NUB1: variants seen among roughly 807,000 people sequenced by gnomAD.
NUB1 encodes negative regulator of ubiquitin like proteins 1.
In NUB1, 41 loss-of-function variants were observed where a neutral mutation model predicts 77.1. The ratio of observed to expected loss-of-function variants is 0.53; its 90% confidence interval spans 0.41 to 0.69. The LOEUF (loss-of-function observed/expected upper bound fraction) is 0.69. Among genes scored for constraint, NUB1 ranks in the 30% least tolerant of loss-of-function variants. The pLI is 0.00. For synonymous variants in NUB1, 257 were observed against 281.0 expected (o/e 0.91, Z 0.85); for missense variants, 643 against 743.8 (o/e 0.86, Z 1.58).
intron 1 of NUB1, among the ~76,000 whole-genome samples, chr7:151,344,966 C>G (rs1796429201): frequency 6.6e-6 from 1 of 152,164 alleles, no homozygotes; most frequent in Non-Finnish European, 1.5e-5. Flanking sequence ...CACCACTGCA[C>G]TCCAGCCTGG....
intron 7 of NUB1, among the ~76,000 whole-genome samples, chr7:151,359,883 C>T (rs962161098): frequency 4.6e-5 from 7 of 152,196 alleles, no homozygotes; most frequent in East Asian, 3.9e-4. Flanking sequence ...TCAGTGGATA[C>T]GAAAATAAAC....
chr7:151,367,026 G>A lies in NUB1; in HGVS notation c.888G>A (p.Gln296=). 1.9e-6 allele frequency: 3 copies of A among 1,613,928 alleles called. No homozygotes were observed. Among genetic ancestry groups the A allele is most frequent in the Non-Finnish European group, 2.5e-6 (3 of 1,179,826 alleles). ...TGTGGTGTTACTTCCGCCTGGAACAGCTGGAATGCCTTGATGATGCAGAAA... is the reference window on the plus strand; with the variant it reads ...TGTGGTGTTACTTCCGCCTGGAACAACTGGAATGCCTTGATGATGCAGAAA... The part of the protein sequence containing the change: ...DIVWCYFRLE[Q]LECLDDAEKK... The change falls in exon 9 of 15, where the codon CAG becomes CAA. Residue 296 remains glutamine (Q), a synonymous_variant. Transcript: ENST00000568733.
At position 151,377,226 on chromosome 7, in the gene NUB1, A is replaced by AATT; in HGVS notation, c.*1_*2insATT. On this transcript the variant is annotated 3_prime_UTR_variant, in exon 15 of 15. Transcript: ENST00000568733. The stretch of plus-strand genomic sequence containing the variant: ...GAAGTCAGCAACAAAGAAAAACTAA[A>AATT]TAATGAACAGAAATAGCGCTAATTT... The AATT allele has an allele frequency of 6.6e-7, 1 of 1,526,442 alleles. No individual in the cohort carries two copies. The highest frequency in any genetic ancestry group is 8.8e-7 in the Non-Finnish European group (1 of 1,131,654). The allele number at this position is 1,526,442 out of a possible 1,614,324, so 94.6% of individuals were successfully genotyped here. A position where few individuals can be genotyped will look rare whatever the true frequency, so the allele number is the denominator to read the frequency against.
intron 1 of NUB1, among the ~76,000 whole-genome samples, chr7:151,343,708 A>G (rs1011736121): frequency 2.0e-5 from 3 of 152,130 alleles, no homozygotes; most frequent in African/African-American, 2.4e-5. Context: ...GGGAGAGAGA[A>G]GTTACATACC....
At chr7:151,355,699 T>C (rs1378828665) in intron 5 of NUB1, 69 bp from the exon 6 acceptor site, 2 of 1,401,612 alleles carry the variant, frequency 1.4e-6, no homozygotes, top group Non-Finnish European at 1.9e-6. Context: ...CCATTTAACA[T>C]AGAAAATGGA....
chr7:151,369,649 A>G (rs542198573), intron 11 of NUB1, among the ~76,000 whole-genome samples: 2 of 152,334 alleles, frequency 1.3e-5, no homozygotes, highest in Admixed American at 1.3e-4. Flanking sequence ...TATGTTCTGC[A>G]GTGAAAGAAC....
At chr7:151,345,275 T>C in intron 1 of NUB1, 73 bp from the exon 2 acceptor site, 1 of 948,658 alleles carries the variant, frequency 1.1e-6, no homozygotes, top group South Asian at 1.5e-5. Flanking sequence ...ACAAAGCACC[T>C]TAACATGTAG....
chr7:151,349,884 C>T (rs1292224000), intron 3 of NUB1, among the ~76,000 whole-genome samples: 3 of 152,106 alleles, frequency 2.0e-5, no homozygotes, highest in African/African-American at 4.8e-5. Context: ...CAGTTGGGCC[C>T]GGAGGACCAC....
intron 13 of NUB1, 174 bp from the exon 14 acceptor site, chr7:151,376,460 C>T (rs950466519): frequency 9.5e-6 from 6 of 632,450 alleles, no homozygotes; most frequent in Non-Finnish European, 1.3e-5. Context: ...TCCAAGCCCC[C>T]TTCCAGGTTG....
chr7:151,341,987 T>TGGGCCGGGGACG, intron 1 of NUB1, 141 bp downstream of exon 1: 1 of 1,284,938 alleles, frequency 7.8e-7, no homozygotes, highest in East Asian at 3.2e-5. Flanking sequence ...TGCGTGGAGC[T>TGGGCCGGGGACG]GGGCCGGGGC....
chr7:151,349,531 T>G (rs1796686225), intron 3 of NUB1, among the ~76,000 whole-genome samples: 1 of 152,212 alleles, frequency 6.6e-6, no homozygotes, highest in Admixed American at 6.5e-5. Flanking sequence ...AATAAAGGAT[T>G]CCCAAGTTTC....
intron 8 of NUB1, among the ~76,000 whole-genome samples, chr7:151,362,625 C>T (rs1797431286): frequency 1.3e-5 from 2 of 152,172 alleles, no homozygotes; most frequent in Admixed American, 6.5e-5. Context: ...GGTTACGGGG[C>T]AGGGAGGGCA....
intron 11 of NUB1, among the ~76,000 whole-genome samples, chr7:151,372,528 T>A (rs1798009465): frequency 6.6e-6 from 1 of 152,150 alleles, no homozygotes; most frequent in African/African-American, 2.4e-5. Flanking sequence ...AAGCAGAGGA[T>A]GGGGCCAGTA....
chr7:151,343,301 C>G (rs144691015), intron 1 of NUB1, among the ~76,000 whole-genome samples: 1 of 152,254 alleles, frequency 6.6e-6, no homozygotes, highest in Non-Finnish European at 1.5e-5. Flanking sequence ...CCTCCCTGTC[C>G]TGATTAGCCT....
intron 7 of NUB1, among the ~76,000 whole-genome samples, chr7:151,358,708 A>C (rs1797203120): frequency 6.6e-6 from 1 of 152,236 alleles, no homozygotes; most frequent in Admixed American, 6.5e-5. Flanking sequence ...ATCAGACTGA[A>C]TTATGCGAAC....
chr7:151,378,257 A>G lies in NUB1; in HGVS notation c.*1032A>G. 1 of 152,400 alleles carries G rather than the reference A, an allele frequency of 6.6e-6. No homozygotes were observed. The highest frequency in any genetic ancestry group is 1.5e-5 in the Non-Finnish European group (1 of 68,114). 9.4% of individuals were successfully genotyped at this position (152,400 alleles called of 1,614,324 possible). The stretch of plus-strand genomic sequence containing the variant: ...CCAGGTGCCGAGTGGATTGAGTGCC[A>G]GGTGCATCCAAGACTTTCCCTCCCT... On this transcript the variant is annotated 3_prime_UTR_variant, in exon 15 of 15. Coordinates refer to ENST00000568733, the MANE Select transcript of NUB1 (RefSeq NM_001243351.2).
chr7:151,353,674 G>A (rs1471778890), intron 5 of NUB1, among the ~76,000 whole-genome samples: 3 of 152,206 alleles, frequency 2.0e-5, no homozygotes, highest in African/African-American at 4.8e-5. Context: ...GAAAGGTCAC[G>A]CAGTAGGGGA....
chr7:151,376,804 C>T lies in NUB1; in HGVS notation c.1662C>T (p.Asp554=), dbSNP rs1187623248. 1 of 1,582,950 alleles carries T rather than the reference C, an allele frequency of 6.3e-7. No individual in the cohort carries two copies. Among genetic ancestry groups the T allele is most frequent in the African/African-American group, 1.3e-5 (1 of 74,502 alleles). ...SLSPPATSPS[D]SAGTSSASTD... is the part of the protein sequence containing the mutation. ...CCCCGCCAGCCACGTCCCCTTCTGA[C>T]TCCGCAGGTAGGTCTGAGGTCTTTG... Residue 554 remains aspartate (D), a synonymous_variant, in exon 14 of 15, where the codon GAC becomes GAT. Coordinates refer to ENST00000568733, the MANE Select transcript of NUB1 (RefSeq NM_001243351.2).
At chr7:151,371,257 C>T (rs899341801) in intron 11 of NUB1, among the ~76,000 whole-genome samples, 1 of 152,124 alleles carries the variant, frequency 6.6e-6, no homozygotes, top group Non-Finnish European at 1.5e-5. Context: ...GATTTATTGG[C>T]CGTTTACTTG....
Sources: gnomAD v4.1 joint callset for allele counts (sites outside exome capture counted in the v4.1 genomes callset) on GRCh38, gnomAD v4.1.1 for gene constraint, MANE v1.5 for transcripts, NCBI Gene and HGNC (gene_info 2026-07-23, HGNC 2026-07-21) for gene names.